ADAMTSL1: variants seen among roughly 807,000 people sequenced by gnomAD.
The protein encoded by ADAMTSL1 is ADAMTS like 1, also known as ADAMTS-like protein 1.
In ADAMTSL1, 126 loss-of-function variants were observed where a neutral mutation model predicts 201.8. That is an observed-to-expected ratio of 0.62 (90% confidence interval 0.54 to 0.72). ADAMTSL1 has a LOEUF of 0.72. ADAMTSL1 is among the 30% of genes least tolerant of loss of function. ADAMTSL1 has a pLI of 0.00. For missense variants in ADAMTSL1, 2,679 were observed against 2,277.8 expected (o/e 1.18, Z -3.59); for synonymous variants, 1,121 against 903.4 (o/e 1.24, Z -4.32).
At chr9:18,336,682 C>T (rs1835255947) in intron 2 of ADAMTSL1, among the ~76,000 whole-genome samples, 1 of 151,994 alleles carries the variant, frequency 6.6e-6, no homozygotes, top group Admixed American at 6.6e-5. Context: ...CAACTCTTGC[C>T]CTGCCTGTGT....
At chr9:18,083,778 C>A (rs541658410) in intron 1 of ADAMTSL1, among the ~76,000 whole-genome samples, 32 of 152,274 alleles carry the variant, frequency 2.1e-4, no homozygotes, top group African/African-American at 7.7e-4. Flanking sequence ...AAATGTTATT[C>A]CTGATACTAA....
intron 2 of ADAMTSL1, among the ~76,000 whole-genome samples, chr9:18,291,113 T>G (rs1833242140): frequency 6.6e-6 from 1 of 151,370 alleles, no homozygotes; most frequent in South Asian, 2.1e-4. Context: ...GGGTGAGAGA[T>G]GAGATTTTAT....
chr9:18,335,213 TA>T (rs1835183922), intron 2 of ADAMTSL1, among the ~76,000 whole-genome samples: 1 of 152,264 alleles, frequency 6.6e-6, no homozygotes, highest in Non-Finnish European at 1.5e-5. Flanking sequence ...TTTGTTTTTT[TA>T]AAAAATATAT....
At chr9:18,708,553 A>G (rs945758135) in intron 14 of ADAMTSL1, among the ~76,000 whole-genome samples, 1 of 152,186 alleles carries the variant, frequency 6.6e-6, no homozygotes. Context: ...AGCTTTGGTG[A>G]TCTCTGGAGC....
chr9:17,947,633 C>G (rs1318143420), intron 1 of ADAMTSL1, among the ~76,000 whole-genome samples: 2 of 152,056 alleles, frequency 1.3e-5, no homozygotes, highest in Admixed American at 6.6e-5. Flanking sequence ...AAGCTTTAGT[C>G]TAGTCTAGAG....
At chr9:18,323,981 G>T in intron 2 of ADAMTSL1, among the ~76,000 whole-genome samples, 1 of 152,218 alleles carries the variant, frequency 6.6e-6, no homozygotes. Flanking sequence ...AGCTTATTTT[G>T]TAATTTATAT....
chr9:18,045,375 A>G (rs1223134954), intron 1 of ADAMTSL1, among the ~76,000 whole-genome samples: 1 of 152,144 alleles, frequency 6.6e-6, no homozygotes, highest in East Asian at 1.9e-4. Flanking sequence ...GGGAGCACCA[A>G]TAATTGTGGT....
At chr9:18,695,515 C>T (rs746142424) in intron 13 of ADAMTSL1, among the ~76,000 whole-genome samples, 17 of 152,226 alleles carry the variant, frequency 1.1e-4, no homozygotes, top group Non-Finnish European at 1.6e-4. Flanking sequence ...ATCCAGGTCA[C>T]ATCTGGAACA....
intron 2 of ADAMTSL1, among the ~76,000 whole-genome samples, chr9:18,282,363 G>A (rs1832823293): frequency 6.6e-6 from 1 of 152,172 alleles, no homozygotes. Flanking sequence ...GAATAGTGCT[G>A]CAATGAACAT....
At chr9:17,946,511 G>T (rs890919357) in intron 1 of ADAMTSL1, among the ~76,000 whole-genome samples, 1 of 151,906 alleles carries the variant, frequency 6.6e-6, no homozygotes, top group African/African-American at 2.4e-5. Context: ...ATCTCTTTAT[G>T]ATCTTTTTTA....
intron 1 of ADAMTSL1, among the ~76,000 whole-genome samples, chr9:17,994,008 C>A: frequency 6.6e-6 from 1 of 151,342 alleles, no homozygotes; most frequent in Non-Finnish European, 1.5e-5. Context: ...TTTTTTAATT[C>A]GATTTTTTTT....
At chr9:18,436,228 G>T (rs1045086076) in intron 2 of ADAMTSL1, among the ~76,000 whole-genome samples, 1 of 152,012 alleles carries the variant, frequency 6.6e-6, no homozygotes, top group African/African-American at 2.4e-5. Context: ...GTAAATGCTC[G>T]GGGAAGGATG....
intron 4 of ADAMTSL1, among the ~76,000 whole-genome samples, chr9:18,610,578 A>G (rs1825306551): frequency 6.6e-6 from 1 of 152,196 alleles, no homozygotes; most frequent in South Asian, 2.1e-4. Context: ...TCTTTAACAG[A>G]CTTTGAAAGC....
chr9:18,106,012 T>C (rs1824746727), intron 1 of ADAMTSL1, among the ~76,000 whole-genome samples: 1 of 152,210 alleles, frequency 6.6e-6, no homozygotes, highest in Non-Finnish European at 1.5e-5. Flanking sequence ...TATGTACAGA[T>C]GTTTCTTATC....
chr9:18,853,257 G>A (rs1462718277), intron 23 of ADAMTSL1, among the ~76,000 whole-genome samples: 1 of 152,196 alleles, frequency 6.6e-6, no homozygotes, highest in Non-Finnish European at 1.5e-5. Context: ...TGCTGGCCAG[G>A]TGGAGCCAAT....
intron 1 of ADAMTSL1, among the ~76,000 whole-genome samples, chr9:17,957,201 C>A (rs1827965660): frequency 6.6e-6 from 1 of 152,162 alleles, no homozygotes; most frequent in Non-Finnish European, 1.5e-5. Flanking sequence ...TCTAAAAGAA[C>A]TCACAAACCC....
At chr9:18,186,647 A>G (rs1227764573) in intron 2 of ADAMTSL1, among the ~76,000 whole-genome samples, 4 of 152,148 alleles carry the variant, frequency 2.6e-5, no homozygotes, top group African/African-American at 4.8e-5. Context: ...AAGTTGTCTA[A>G]CATGTTTAAT....
rs755677480 is a variant in ADAMTSL1, at chr9:18,776,836, C to T, written c.2607C>T (p.Val869=). The T allele has an allele frequency of 3.1e-6, 5 of 1,595,274 alleles. No homozygotes were observed. The highest frequency in any genetic ancestry group is 4.3e-6 in the Non-Finnish European group (5 of 1,171,218). Residue 869 remains valine, a synonymous_variant, in exon 19 of 29, where the codon GTC becomes GTT. Coordinates refer to ENST00000380548, the MANE Select transcript of ADAMTSL1 (RefSeq NM_001040272.6). ...CGCACATCGCGGCCGCCAGGAAGGT[C>T]TACATACAGACTCGCAGGCAGAGGA... The part of the protein sequence containing the change: ...HSPHIAAARK[V]YIQTRRQRKL...
At chr9:18,274,345 A>G (rs1832503157) in intron 2 of ADAMTSL1, among the ~76,000 whole-genome samples, 1 of 151,984 alleles carries the variant, frequency 6.6e-6, no homozygotes, top group South Asian at 2.1e-4. Context: ...AATCTTAAAA[A>G]ACATGAAATA....
Sources: gnomAD v4.1 joint callset for allele counts (sites outside exome capture counted in the v4.1 genomes callset) on GRCh38, gnomAD v4.1.1 for gene constraint, MANE v1.5 for transcripts, NCBI Gene and HGNC (gene_info 2026-07-23, HGNC 2026-07-21) for gene names.